The following PDE3B variants were observed in gnomAD, a reference collection of about 807,000 sequenced individuals.
The protein encoded by PDE3B is phosphodiesterase 3B, also known as cGMP-inhibited 3',5'-cyclic phosphodiesterase 3B.
PDE3B carries 66 observed loss-of-function variants against 116.8 expected under a neutral mutation model. The ratio of observed to expected loss-of-function variants is 0.56; its 90% CI spans 0.46 to 0.69. The LOEUF (loss-of-function observed/expected upper bound fraction) is 0.69. Ranked by LOEUF, PDE3B falls within the 30% of genes least tolerant of loss-of-function variation. The probability of loss-of-function intolerance (pLI) is 0.00; values close to 1 mark genes in which losing one functional copy is unlikely to be tolerated. For synonymous variants in PDE3B, 595 were observed against 533.6 expected (o/e 1.12, Z -1.59); for missense variants, 1,384 against 1,368.1 (o/e 1.01, Z -0.18).
chr11:14,898,449 C>T, the PDE3B span, among the ~76,000 whole-genome samples: 1 of 152,112 alleles, frequency 6.6e-6, no homozygotes, highest in Non-Finnish European at 1.5e-5. Context: ...CATCCTTGTA[C>T]CTCTTAGCTA....
At chr11:14,829,758 G>C (rs538742940) in intron 7 of PDE3B, among the ~76,000 whole-genome samples, 60 of 152,120 alleles carry the variant, frequency 3.9e-4, no homozygotes, top group Middle Eastern at 3.4e-3. Flanking sequence ...CCTAGTACCT[G>C]GGTGATGAAA....
At chr11:14,778,162 G>T (rs1350767478) in intron 2 of PDE3B, among the ~76,000 whole-genome samples, 1 of 152,174 alleles carries the variant, frequency 6.6e-6, no homozygotes, top group Non-Finnish European at 1.5e-5. Flanking sequence ...AAACAAAGCA[G>T]CCCTGAAGCT....
chr11:14,886,987 G>C, the PDE3B span: 1 of 152,236 alleles, frequency 6.6e-6, no homozygotes, highest in Non-Finnish European at 1.5e-5. Context: ...GGTATATCCA[G>C]AACCTTGGGA....
chr11:14,854,751 G>A (rs557513368), intron 12 of PDE3B, among the ~76,000 whole-genome samples: 5 of 152,058 alleles, frequency 3.3e-5, no homozygotes, highest in African/African-American at 7.2e-5. Flanking sequence ...TCTTGACCTC[G>A]TGATCTGCCC....
At chr11:14,835,453 T>G (rs578159677) in intron 11 of PDE3B, among the ~76,000 whole-genome samples, 6 of 152,276 alleles carry the variant, frequency 3.9e-5, no homozygotes, top group Non-Finnish European at 8.8e-5. Flanking sequence ...AAATTTTTTT[T>G]TTGTTTCAAG....
intron 1 of PDE3B, among the ~76,000 whole-genome samples, chr11:14,743,419 T>C (rs1432340331): frequency 6.6e-6 from 1 of 152,182 alleles, no homozygotes; most frequent in African/African-American, 2.4e-5. Flanking sequence ...CCCCACCAAG[T>C]TGGAGCATCA....
intron 4 of PDE3B, among the ~76,000 whole-genome samples, chr11:14,790,183 T>C (rs954866291): frequency 6.6e-6 from 1 of 151,994 alleles, no homozygotes; most frequent in Non-Finnish European, 1.5e-5. Flanking sequence ...GAATCTTGTA[T>C]AATATATTCA....
intron 1 of PDE3B, among the ~76,000 whole-genome samples, chr11:14,692,156 C>T (rs1446407291): frequency 6.6e-6 from 1 of 152,034 alleles, no homozygotes; most frequent in African/African-American, 2.4e-5. Context: ...TATCTGTAGT[C>T]CCAACTACTT....
At chr11:14,653,530 A>G (rs1162709316) in intron 1 of PDE3B, among the ~76,000 whole-genome samples, 5 of 151,792 alleles carry the variant, frequency 3.3e-5, no homozygotes, top group African/African-American at 1.2e-4. Context: ...ATGCCACTAC[A>G]CTCCAGCCTG....
chr11:14,764,698 C>G (rs932661714), intron 1 of PDE3B, among the ~76,000 whole-genome samples: 2 of 151,960 alleles, frequency 1.3e-5, no homozygotes, highest in Non-Finnish European at 2.9e-5. Context: ...AGGCTTACCA[C>G]AGAGAATTCT....
Position 14,703,500 on chromosome 11 carries a change from A to G in PDE3B, c.978+58447A>G, listed in dbSNP as rs148813985. Among the ~76,000 whole-genome samples the G allele has an allele frequency of 4.5e-3, 684 of 151,248 alleles. 3 individuals are homozygous for G. The highest frequency in any genetic ancestry group is 0.015 in the African/African-American group (609 of 41,296). ...CAGTGATATCAAGGCTGCTGGGGTT[A>G]TTATGTCCTTTTTCTTCTCCTTTGC... On this transcript the variant is annotated intron_variant, in intron 1 of 15. Transcript: ENST00000282096.
At chr11:14,718,736 A>G (rs1855998475) in intron 1 of PDE3B, among the ~76,000 whole-genome samples, 1 of 150,144 alleles carries the variant, frequency 6.7e-6, no homozygotes, top group South Asian at 2.2e-4. Context: ...GAACAAACAC[A>G]CAACATACCA....
chr11:14,780,603 G>T (rs952625241), intron 2 of PDE3B, among the ~76,000 whole-genome samples: 42 of 152,002 alleles, frequency 2.8e-4, no homozygotes, highest in African/African-American at 8.2e-4. Flanking sequence ...AATAAAGATG[G>T]TCTGTGAAAC....
intron 13 of PDE3B, among the ~76,000 whole-genome samples, chr11:14,859,724 G>A (rs1555006781): frequency 6.6e-6 from 1 of 151,854 alleles, no homozygotes; most frequent in Admixed American, 6.6e-5. Context: ...GGAAAAGGAA[G>A]CACCCTCTTC....
chr11:14,725,568 C>T lies in PDE3B; in HGVS notation c.979-46369C>T, dbSNP rs1433460590. On this transcript the variant is annotated intron_variant, in intron 1 of 15. Coordinates refer to ENST00000282096, the MANE Select transcript of PDE3B (RefSeq NM_000922.4). ...CCCTCTCCCTCCTCCTGCCTATTCTCTCCCCTCTCCCTCCCTCCCCCTTCC... is the reference window on the plus strand; with the variant it reads ...CCCTCTCCCTCCTCCTGCCTATTCTTTCCCCTCTCCCTCCCTCCCCCTTCC... Among the ~76,000 whole-genome samples, 5 of 85,294 alleles carry T rather than the reference C, an allele frequency of 5.9e-5. No homozygotes were observed. The Admixed American group carries it at 6.1e-4, about 10-fold the overall frequency. The allele number at this position is 85,294 out of a possible 152,430, so 56.0% of individuals were successfully genotyped here. A position where few individuals can be genotyped will look rare whatever the true frequency, so the allele number is the denominator to read the frequency against.
intron 1 of PDE3B, among the ~76,000 whole-genome samples, chr11:14,763,360 G>T (rs761095611): frequency 7.2e-5 from 11 of 152,062 alleles, no homozygotes; most frequent in Non-Finnish European, 1.5e-4. Context: ...ATGAAAAAGT[G>T]CCAAAACCTG....
At chr11:14,813,041 A>G (rs976166115) in intron 5 of PDE3B, among the ~76,000 whole-genome samples, 1 of 152,216 alleles carries the variant, frequency 6.6e-6, no homozygotes, top group African/African-American at 2.4e-5. Flanking sequence ...GTGGGCCATC[A>G]TCAGACACCA....
At chr11:14,827,097 A>AAAT (rs1164800262) in intron 7 of PDE3B, among the ~76,000 whole-genome samples, 2 of 152,214 alleles carry the variant, frequency 1.3e-5, no homozygotes, top group Non-Finnish European at 2.9e-5. Flanking sequence ...GATGCAGAAA[A>AAAT]AGGCTTTTGA....
At chr11:14,810,129 T>A (rs1354197978) in intron 5 of PDE3B, among the ~76,000 whole-genome samples, 1 of 148,800 alleles carries the variant, frequency 6.7e-6, no homozygotes, top group Non-Finnish European at 1.5e-5. Flanking sequence ...AAATATTTTC[T>A]AATAATAAAA....
Sources: allele counts gnomAD v4.1 joint callset (sites outside exome capture counted in the v4.1 genomes callset), GRCh38; gene constraint gnomAD v4.1.1; transcripts MANE v1.5; gene names NCBI Gene and HGNC (gene_info 2026-07-23, HGNC 2026-07-21).